The following UBE2D2 variants were observed in gnomAD, a reference collection of about 807,000 sequenced individuals.
UBE2D2 encodes the protein ubiquitin conjugating enzyme E2 D2, also known as ubiquitin-conjugating enzyme E2 D2.
UBE2D2 carries 2 observed loss-of-function variants against 24.2 expected under a neutral mutation model. The ratio of observed to expected loss-of-function variants is 0.08; its 90% CI spans 0.03 to 0.26. The LOEUF is 0.26. UBE2D2 is among the 10% of genes least tolerant of loss of function. UBE2D2 has a pLI of 1.00. For synonymous variants in UBE2D2, 58 were observed against 56.5 expected, an observed-to-expected ratio of 1.03 and a Z score of -0.12; for missense variants, 44 against 177.6, an observed-to-expected ratio of 0.25 and a Z score of 4.28.
intron 1 of UBE2D2, among the ~76,000 whole-genome samples, chr5:139,549,844 T>G (rs1752885758): frequency 6.6e-6 from 1 of 152,238 alleles, no homozygotes; most frequent in East Asian, 1.9e-4. Context: ...TATGTCTAGC[T>G]GGAGGAGTGT....
chr5:139,532,583 C>T (rs1372721347), intron 1 of UBE2D2, among the ~76,000 whole-genome samples: 1 of 151,838 alleles, frequency 6.6e-6, no homozygotes, highest in Non-Finnish European at 1.5e-5. Context: ...AATCTCCTGA[C>T]CTCGTGATCC....
upstream of UBE2D2, among the ~76,000 whole-genome samples, chr5:139,556,317 A>G (rs1752980858): frequency 6.6e-6 from 1 of 151,948 alleles, no homozygotes; most frequent in Admixed American, 6.6e-5. Flanking sequence ...AGGCTGAGGC[A>G]GAATCACCTG....
At chr5:139,621,830 C>T (rs974235094) in intron 5 of UBE2D2, among the ~76,000 whole-genome samples, 1 of 152,138 alleles carries the variant, frequency 6.6e-6, no homozygotes, top group African/African-American at 2.4e-5. Flanking sequence ...ACTCTGTTGC[C>T]TAGGCTGGTC....
At chr5:139,594,317 G>T (rs1352008861) in intron 1 of UBE2D2, among the ~76,000 whole-genome samples, 3 of 152,122 alleles carry the variant, frequency 2.0e-5, no homozygotes, top group Admixed American at 1.3e-4. Flanking sequence ...GGAATTTAGA[G>T]GGTTTCTTTT....
chr5:139,596,829 G>A (rs1347068210), intron 1 of UBE2D2, among the ~76,000 whole-genome samples: 4 of 151,794 alleles, frequency 2.6e-5, no homozygotes, highest in Non-Finnish European at 4.4e-5. Flanking sequence ...GGCAGATCAC[G>A]AGGTCAGGAG....
chr5:139,562,287 C>A (rs1230087521), intron 1 of UBE2D2: 7 of 1,354,028 alleles, frequency 5.2e-6, no homozygotes, highest in Non-Finnish European at 5.9e-6. Flanking sequence ...CAGAGGAAGC[C>A]GTTTTGCCCG....
At chr5:139,580,010 C>T (rs1424688524) in intron 1 of UBE2D2, among the ~76,000 whole-genome samples, 2 of 150,624 alleles carry the variant, frequency 1.3e-5, no homozygotes, top group Non-Finnish European at 2.9e-5. Context: ...CATGCCGTTG[C>T]ACACCTGCCT....
intron 1 of UBE2D2, among the ~76,000 whole-genome samples, chr5:139,541,301 G>GA (rs146638009): frequency 4.5e-4 from 56 of 125,426 alleles, no homozygotes; most frequent in East Asian, 4.9e-4. Flanking sequence ...CTGTTTCGAA[G>GA]AAAAAAAAAA....
intron 1 of UBE2D2, among the ~76,000 whole-genome samples, chr5:139,544,607 CCACA>C (rs111460156): frequency 1.0e-3 from 151 of 145,518 alleles, no homozygotes; most frequent in African/African-American, 2.2e-3. Context: ...TGCATTCTAA[CCACA>C]CACACACACA....
chr5:139,555,301 A>G (rs941483348), intron 1 of UBE2D2, among the ~76,000 whole-genome samples: 1 of 152,134 alleles, frequency 6.6e-6, no homozygotes, highest in African/African-American at 2.4e-5. Flanking sequence ...TTGGCCTCCC[A>G]AAGTGTTGGG....
chr5:139,533,869 G>A (rs1270483647), intron 1 of UBE2D2, among the ~76,000 whole-genome samples: 5 of 147,504 alleles, frequency 3.4e-5, no homozygotes, highest in African/African-American at 7.5e-5. Context: ...AGCAACCTCC[G>A]CCTCCCGGGT....
At position 139,586,083 on chromosome 5, in the gene UBE2D2, C is replaced by T. The variant is rs143550132; in HGVS notation, c.25-14289C>T. Among the ~76,000 whole-genome samples the T allele has an allele frequency of 9.3e-4, 141 of 151,424 alleles. 1 individual carries two copies. The highest frequency in any genetic ancestry group is 7.7e-4 in the East Asian group (4 of 5,186). ...AATAAAGAGTTAAGATCTTTTTCATCCTAAGAAAGATAAGTCTATTCTTTT... is the reference window on the plus strand; with the variant it reads ...AATAAAGAGTTAAGATCTTTTTCATTCTAAGAAAGATAAGTCTATTCTTTT... On this transcript the variant is annotated intron_variant, in intron 1 of 6. Coordinates refer to ENST00000398733, the MANE Select transcript of UBE2D2 (RefSeq NM_003339.3).
At chr5:139,546,634 CA>C (rs1752828393) in intron 1 of UBE2D2, among the ~76,000 whole-genome samples, 1 of 151,952 alleles carries the variant, frequency 6.6e-6, no homozygotes, top group Admixed American at 6.6e-5. Context: ...AGGCATGCAC[CA>C]CCACGCCCAG....
upstream of UBE2D2, among the ~76,000 whole-genome samples, chr5:139,559,270 CA>C (rs1722016011): frequency 6.6e-6 from 1 of 151,822 alleles, no homozygotes; most frequent in Non-Finnish European, 1.5e-5. Context: ...ACTAAAAATA[CA>C]AAAAAATTAC....
At chr5:139,617,265 A>C (rs1283846463) in intron 5 of UBE2D2, among the ~76,000 whole-genome samples, 2 of 152,144 alleles carry the variant, frequency 1.3e-5, no homozygotes, top group African/African-American at 4.8e-5. Flanking sequence ...AAAAGAAAAA[A>C]GGCATATACA....
rs111227932 is a variant in UBE2D2 at position 139,565,592 on chromosome 5, C to T, written c.24+3777C>T. Among the ~76,000 whole-genome samples the T allele has an allele frequency of 1.2e-4, 18 of 152,268 alleles. 2 individuals are homozygous for T. The highest frequency in any genetic ancestry group is 4.1e-4 in the African/African-American group (17 of 41,562). On this transcript the variant is annotated intron_variant, in intron 1 of 6. Coordinates refer to ENST00000398733, the MANE Select transcript of UBE2D2 (RefSeq NM_003339.3). ...TCTGTTGTGGGCTAAGAAACCAGAT[C>T]ACAGAGCTTATTAAAATTGTGTCTA...
intron 1 of UBE2D2, among the ~76,000 whole-genome samples, chr5:139,583,526 C>T (rs1423977474): frequency 1.3e-5 from 2 of 152,164 alleles, no homozygotes; most frequent in Non-Finnish European, 2.9e-5. Flanking sequence ...CTTTGGGAGG[C>T]TGAGGTGGGT....
At chr5:139,563,893 C>T (rs1753162751) in intron 1 of UBE2D2, among the ~76,000 whole-genome samples, 1 of 151,918 alleles carries the variant, frequency 6.6e-6, no homozygotes, top group Non-Finnish European at 1.5e-5. Context: ...CGAGATCGCG[C>T]CACTGCACTC....
At chr5:139,535,206 G>GGAGGCA (rs1272973118) in intron 1 of UBE2D2, among the ~76,000 whole-genome samples, 1 of 151,516 alleles carries the variant, frequency 6.6e-6, no homozygotes, top group Non-Finnish European at 1.5e-5. Context: ...CAGCACTTTG[G>GGAGGCA]GAGGCAGAGG....
Sources: gnomAD v4.1 joint callset for allele counts (sites outside exome capture counted in the v4.1 genomes callset) on GRCh38, gnomAD v4.1.1 for gene constraint, MANE v1.5 for transcripts, NCBI Gene and HGNC (gene_info 2026-07-23, HGNC 2026-07-21) for gene names.